Variants in STXBP5L observed in about 807,000 individuals in gnomAD.
STXBP5L encodes the protein syntaxin binding protein 5L.
In STXBP5L, 65 loss-of-function variants were observed where a neutral mutation model predicts 144.5. The ratio of observed to expected loss-of-function variants is 0.45; its 90% CI spans 0.37 to 0.55. The LOEUF (loss-of-function observed/expected upper bound fraction) is 0.55, where lower values mean the gene tolerates loss of function less well. Ranked by LOEUF, STXBP5L falls within the 20% of genes least tolerant of loss-of-function variation. The pLI is 0.00. For missense variants in STXBP5L, 1,298 were observed against 1,405.5 expected (o/e 0.92, Z 1.22); for synonymous variants, 505 against 469.6 (o/e 1.08, Z -0.97).
chr3:121,039,599 C>A (rs1001844837), intron 3 of STXBP5L, among the ~76,000 whole-genome samples: 2 of 151,928 alleles, frequency 1.3e-5, no homozygotes, highest in African/African-American at 4.8e-5. Flanking sequence ...TGAAGACCCT[C>A]TTTCACATTC....
intron 22 of STXBP5L, among the ~76,000 whole-genome samples, chr3:121,405,294 C>G (rs944251629): frequency 2.0e-5 from 3 of 152,004 alleles, no homozygotes; most frequent in African/African-American, 7.2e-5. Flanking sequence ...TCAAGAATTC[C>G]TATCTTCTTT....
intron 5 of STXBP5L, among the ~76,000 whole-genome samples, chr3:121,103,918 A>T (rs2043558323): frequency 6.6e-6 from 1 of 152,178 alleles, no homozygotes; most frequent in South Asian, 2.1e-4. Context: ...TTTACTGCAG[A>T]CAGGGTATTA....
intron 2 of STXBP5L, among the ~76,000 whole-genome samples, chr3:120,935,597 T>G (rs1357867938): frequency 6.6e-6 from 1 of 152,072 alleles, no homozygotes; most frequent in Non-Finnish European, 1.5e-5. Flanking sequence ...TTCAAGAAGG[T>G]TATTTCTCCT....
intron 5 of STXBP5L, among the ~76,000 whole-genome samples, chr3:121,094,257 G>A (rs1469870816): frequency 6.6e-6 from 1 of 152,130 alleles, no homozygotes; most frequent in Non-Finnish European, 1.5e-5. Context: ...TGTTGATTTG[G>A]GGTGGAGAGT....
chr3:121,418,546 C>A lies in STXBP5L; in HGVS notation c.3436C>A (p.His1146Asn). 2 of 1,613,876 alleles carry A rather than the reference C, an allele frequency of 1.2e-6. No individual in the cohort carries two copies. Among genetic ancestry groups the A allele is most frequent in the South Asian group, 1.1e-5 (1 of 91,080 alleles). The change falls in exon 26 of 27, where the codon CAT (histidine) becomes AAT (asparagine). Residue 1146 changes from histidine to asparagine, a missense_variant. Physicochemically the swap from His to Asn is moderately conservative, Grantham distance 68. Transcript: ENST00000471454. ...MMTSAEAFSK[H>N]AHELMLKYKD... Reference sequence around the variant, plus strand: ...GACCAGTGCAGAAGCATTTTCCAAACATGCACATGAGGTAAACTGCCTAAG... The same window carrying A: ...GACCAGTGCAGAAGCATTTTCCAAAAATGCACATGAGGTAAACTGCCTAAG...
chr3:121,193,229 C>G (rs965240325), intron 9 of STXBP5L, among the ~76,000 whole-genome samples: 2 of 143,222 alleles, frequency 1.4e-5, no homozygotes, highest in Non-Finnish European at 3.0e-5. Flanking sequence ...AAATGCTCAT[C>G]ATCACTGGCC....
intron 22 of STXBP5L, among the ~76,000 whole-genome samples, chr3:121,392,064 T>C (rs1172762395): frequency 6.6e-6 from 1 of 152,034 alleles, no homozygotes; most frequent in Non-Finnish European, 1.5e-5. Context: ...CTCCATCCAG[T>C]TTGTTTCCTG....
At chr3:121,224,601 T>C (rs2049063779) in intron 11 of STXBP5L, among the ~76,000 whole-genome samples, 1 of 152,120 alleles carries the variant, frequency 6.6e-6, no homozygotes, top group African/African-American at 2.4e-5. Context: ...CTGAGTTGTA[T>C]GGTTCAGAGT....
chr3:121,337,655 G>A (rs1050033971), intron 20 of STXBP5L, among the ~76,000 whole-genome samples: 1 of 152,042 alleles, frequency 6.6e-6, no homozygotes, highest in African/African-American at 2.4e-5. Context: ...GATAATCAAG[G>A]CAGAAAGTGA....
At chr3:121,084,168 A>T (rs78062975) in intron 5 of STXBP5L, among the ~76,000 whole-genome samples, 15,083 of 151,880 alleles carry the variant, frequency 0.099, 1,186 homozygotes, top group Admixed American at 0.2. Flanking sequence ...GACAGGAGGT[A>T]AGTTACTGGT....
intron 20 of STXBP5L, among the ~76,000 whole-genome samples, chr3:121,356,477 G>A (rs2045518736): frequency 6.6e-6 from 1 of 152,224 alleles, no homozygotes; most frequent in Admixed American, 6.5e-5. Context: ...AAGGCTCTGT[G>A]GGCATGGGAC....
chr3:121,004,031 A>C (rs566516386), intron 3 of STXBP5L, among the ~76,000 whole-genome samples: 1 of 151,928 alleles, frequency 6.6e-6, no homozygotes, highest in Non-Finnish European at 1.5e-5. Flanking sequence ...TTGGCAATGC[A>C]GGCTCTTTTT....
chr3:121,399,357 T>C (rs1030944884), intron 22 of STXBP5L, among the ~76,000 whole-genome samples: 11 of 152,128 alleles, frequency 7.2e-5, no homozygotes, highest in East Asian at 1.9e-4. Context: ...GCCCCCATGA[T>C]GGATGCCACT....
intron 18 of STXBP5L, among the ~76,000 whole-genome samples, chr3:121,278,954 C>A (rs949171611): frequency 6.6e-6 from 1 of 151,078 alleles, no homozygotes. Context: ...GTGGAAAGAA[C>A]CATTTTAAGA....
intron 20 of STXBP5L, among the ~76,000 whole-genome samples, chr3:121,361,246 G>C (rs1385931429): frequency 6.6e-6 from 1 of 152,066 alleles, no homozygotes; most frequent in East Asian, 1.9e-4. Flanking sequence ...TTGGGAGTTT[G>C]ATTATTAAAT....
intron 5 of STXBP5L, among the ~76,000 whole-genome samples, chr3:121,087,704 T>G (rs1427386184): frequency 1.3e-5 from 2 of 152,048 alleles, no homozygotes; most frequent in African/African-American, 4.8e-5. Context: ...TCCATTTTAT[T>G]TTTTGTTTTT....
At chr3:121,046,971 A>G (rs1403334404) in intron 5 of STXBP5L, among the ~76,000 whole-genome samples, 1 of 151,684 alleles carries the variant, frequency 6.6e-6, no homozygotes, top group African/African-American at 2.4e-5. Context: ...GATTTTATGA[A>G]TTTTTGATGT....
intron 14 of STXBP5L, among the ~76,000 whole-genome samples, chr3:121,248,256 G>T (rs573533050): frequency 3.1e-4 from 47 of 152,192 alleles, no homozygotes; most frequent in Non-Finnish European, 5.0e-4. Flanking sequence ...TAGAGACAGG[G>T]TTTCACCATT....
intron 2 of STXBP5L, among the ~76,000 whole-genome samples, chr3:120,931,440 A>G (rs537367126): frequency 1.3e-5 from 2 of 152,282 alleles, no homozygotes; most frequent in East Asian, 1.9e-4. Flanking sequence ...TATTACGGTC[A>G]TAGAGTGGCT....
Sources: gnomAD v4.1 joint callset for allele counts (sites outside exome capture counted in the v4.1 genomes callset) on GRCh38, gnomAD v4.1.1 for gene constraint, MANE v1.5 for transcripts, NCBI Gene and HGNC (gene_info 2026-07-23, HGNC 2026-07-21) for gene names.